Variants in SLC6A13 observed in about 807,000 individuals in gnomAD.
The protein encoded by SLC6A13 is sodium- and chloride-dependent GABA transporter 2.
A neutral mutation model predicts 72.9 loss-of-function variants in SLC6A13; 69 were observed. The ratio of observed to expected loss-of-function variants is 0.95; its 90% confidence interval spans 0.78 to 1.16. SLC6A13 has a LOEUF of 1.16. Ranked by LOEUF, SLC6A13 falls within the 50% of genes most tolerant of loss-of-function variation. SLC6A13 has a pLI of 0.00. For synonymous variants in SLC6A13, 303 were observed against 303.0 expected (o/e 1.00, Z 0.00); for missense variants, 735 against 760.5 (o/e 0.97, Z 0.39).
At chr12:245,194 AC>A (rs1459191960) in intron 2 of SLC6A13, among the ~76,000 whole-genome samples, 1 of 152,264 alleles carries the variant, frequency 6.6e-6, no homozygotes, top group Non-Finnish European at 1.5e-5. Flanking sequence ...GTGCTCACAC[AC>A]TGCCAGAGTA....
chr12:244,468 C>T (rs1041703571), intron 2 of SLC6A13, among the ~76,000 whole-genome samples: 1 of 151,990 alleles, frequency 6.6e-6, no homozygotes, highest in African/African-American at 2.4e-5. Flanking sequence ...GTGGGAGGAT[C>T]GCTTGAGCCC....
At chr12:238,309 C>T (rs1942018314) in intron 4 of SLC6A13, 2 of 1,387,194 alleles carry the variant, frequency 1.4e-6, no homozygotes, top group Non-Finnish European at 1.9e-6. Flanking sequence ...GGCATGCTAA[C>T]ATTTCTATGT....
At position 259,996 on chromosome 12, in the gene SLC6A13, T is replaced by C. The variant is rs776805663; in HGVS notation, c.57A>G (p.Pro19=). Residue 19 remains proline (P), a synonymous_variant, in exon 2 of 15, where the codon CCA becomes CCG. Coordinates refer to ENST00000343164, the MANE Select transcript of SLC6A13 (RefSeq NM_016615.5). The part of the protein sequence containing the change: ...TSNGETKPVY[P]VMEKKEEDGT... ...CATCTTCCTCCTTCTTTTCCATGAC[T>C]GGATACACTGGTTTTGTCTCTCCAT... 6.2e-7 allele frequency: 1 copy of C among 1,614,230 alleles called. No homozygotes were observed. The highest frequency in any genetic ancestry group is 1.1e-5 in the South Asian group (1 of 91,082).
intron 7 of SLC6A13, among the ~76,000 whole-genome samples, chr12:231,302 T>C (rs1483800862): frequency 1.3e-5 from 2 of 152,206 alleles, no homozygotes; most frequent in African/African-American, 4.8e-5. Context: ...GAGCACAGCG[T>C]TGTCTCTGCC....
chr12:226,345 T>A, intron 9 of SLC6A13, 45 bp downstream of exon 9: 1 of 1,611,544 alleles, frequency 6.2e-7, no homozygotes, highest in African/African-American at 1.3e-5. Context: ...CTGCCAGAGG[T>A]TTGAACCAGG....
At position 223,871 on chromosome 12, in the gene SLC6A13, T is replaced by C. The variant is rs1254140094; in HGVS notation, c.1311+121A>G. 4 of 1,108,490 alleles carry C rather than the reference T, an allele frequency of 3.6e-6. No individual in the cohort carries two copies. In the Admixed American group the frequency reaches 7.5e-5, roughly 21 times the overall value. The allele number at this position is 1,108,490 out of a possible 1,614,324, so 68.7% of individuals were successfully genotyped here. On this transcript the variant is annotated intron_variant, in intron 11 of 14. Coordinates refer to ENST00000343164, the MANE Select transcript of SLC6A13 (RefSeq NM_016615.5). ...CTGGGATGGGGAAAAGAGGGAGTCC[T>C]AGTGTCCAGAAGCCCAGAAGACCTG...
chr12:260,018 C>A lies in SLC6A13; in HGVS notation c.35G>T (p.Gly12Val), dbSNP rs1320958936. The change falls in exon 2 of 15, where the codon GGA becomes GTA. Residue 12 changes from glycine to valine, a missense_variant. Physicochemically the swap from Gly to Val is moderately radical, Grantham distance 109. Transcript: ENST00000343164. ...DSRVSGTTSN[G>V]ETKPVYPVME... ...GACTGGATACACTGGTTTTGTCTCT[C>A]CATTACTGGTTGTGCCTGAGACCCT... The A allele has an allele frequency of 6.2e-6, 10 of 1,614,052 alleles. No homozygotes were observed. Among genetic ancestry groups the A allele is most frequent in the Non-Finnish European group, 7.6e-6 (9 of 1,180,030 alleles).
Position 220,905 on chromosome 12 carries a change from TC to T in SLC6A13, c.*42del. ...TTCTGCCACGTTCCCTCCACAGCCA[TC>T]CCCAAGGCCAGGCACACAGGCACCA... On this transcript the variant is annotated 3_prime_UTR_variant, in exon 15 of 15. Transcript: ENST00000343164. The T allele has an allele frequency of 3.7e-6, 6 of 1,606,564 alleles. No individual in the cohort carries two copies. Among genetic ancestry groups the T allele is most frequent in the Non-Finnish European group, 4.2e-6 (5 of 1,178,958 alleles).
intron 4 of SLC6A13, among the ~76,000 whole-genome samples, chr12:241,216 T>C (rs1178021931): frequency 2.0e-5 from 3 of 152,046 alleles, no homozygotes; most frequent in East Asian, 1.9e-4. Flanking sequence ...AAGCAGAGAA[T>C]TGCTTGAACC....
rs903594119 is a variant in SLC6A13 at position 237,824 on chromosome 12, T to A, written c.563+102A>T. On this transcript the variant is annotated intron_variant, in intron 5 of 14. Coordinates refer to ENST00000343164, the MANE Select transcript of SLC6A13 (RefSeq NM_016615.5). ...CAGAAAAAAGCCACTTAGTGGAAAT[T>A]CTTCCCTTGCTGTCCATTGAGAGTG... 3 of 867,040 alleles carry A rather than the reference T, an allele frequency of 3.5e-6. No homozygotes were observed. In the African/African-American group the frequency reaches 5.0e-5, roughly 14 times the overall value. 53.7% of individuals were successfully genotyped at this position (867,040 alleles called of 1,614,324 possible). A position where few individuals can be genotyped will look rare whatever the true frequency, so the allele number is the denominator to read the frequency against.
At chr12:260,178 C>T (rs939551506) in intron 1 of SLC6A13, 121 bp from the exon 2 acceptor site, 1 of 1,061,692 alleles carries the variant, frequency 9.4e-7, no homozygotes, top group African/African-American at 1.6e-5. Flanking sequence ...TTTCTATTCC[C>T]TTCCCTGTAG....
At chr12:225,826 T>G (rs1459187457) in intron 9 of SLC6A13, among the ~76,000 whole-genome samples, 1 of 152,096 alleles carries the variant, frequency 6.6e-6, no homozygotes, top group East Asian at 1.9e-4. Flanking sequence ...AGAGAAACAT[T>G]TTATGGCTTA....
rs755304027 is a variant in SLC6A13, at chr12:234,471, C to CTTTATTTCATTTTATTTTAT, written c.831+599_831+618dup. 7.9e-5 allele frequency among the ~76,000 whole-genome samples: 12 copies of CTTTATTTCATTTTATTTTAT among 151,876 alleles called. No individual in the cohort carries two copies. In the South Asian group the frequency reaches 2.1e-3, roughly 27 times the overall value. On this transcript the variant is annotated intron_variant, in intron 7 of 14. Coordinates refer to ENST00000343164, the MANE Select transcript of SLC6A13 (RefSeq NM_016615.5). ...CCTATGGAGTAGCCATTCTTCATTC[C>CTTTATTTCATTTTATTTTAT]TTTATTTCATTTTATTTTATTTTAT...
At chr12:251,975 C>CA (rs1295672370) in intron 2 of SLC6A13, among the ~76,000 whole-genome samples, 3 of 147,806 alleles carry the variant, frequency 2.0e-5, no homozygotes, top group Non-Finnish European at 4.5e-5. Context: ...GATCCCATCT[C>CA]AAAAAAAAGA....
chr12:245,156 G>C (rs1345627082), intron 2 of SLC6A13, among the ~76,000 whole-genome samples: 1 of 152,176 alleles, frequency 6.6e-6, no homozygotes, highest in Non-Finnish European at 1.5e-5. Context: ...GTGAGGGAAA[G>C]AACCATTCAA....
intron 5 of SLC6A13, among the ~76,000 whole-genome samples, chr12:237,709 C>T (rs530929755): frequency 9.2e-5 from 14 of 152,174 alleles, no homozygotes; most frequent in African/African-American, 2.9e-4. Context: ...GGCGGGGGTG[C>T]GGGCAAGGAA....
chr12:239,544 A>C (rs1210561744), intron 4 of SLC6A13, among the ~76,000 whole-genome samples: 1 of 152,168 alleles, frequency 6.6e-6, no homozygotes. Context: ...TGAAACTCAC[A>C]GTCTCTGTTT....
rs1314717041 is a variant in SLC6A13 at position 254,794 on chromosome 12, C to G, written c.202+5057G>C. 6.6e-6 allele frequency among the ~76,000 whole-genome samples: 1 copy of G among 152,202 alleles called. No homozygotes were observed. Among genetic ancestry groups the G allele is most frequent in the Non-Finnish European group, 1.5e-5 (1 of 68,030 alleles). On this transcript the variant is annotated intron_variant, in intron 2 of 14. Transcript: ENST00000343164. This position sits in a 1 kb window ranked among gnomAD's most constrained non-coding sequence, Gnocchi z 4.4. Reference sequence around the variant, plus strand: ...CCAGTTGCCATTTCCACATGGACATCTGATAGATACCTCAACTCAACTTTC... The same window carrying G: ...CCAGTTGCCATTTCCACATGGACATGTGATAGATACCTCAACTCAACTTTC...
At chr12:223,502 C>T (rs994772206) in intron 11 of SLC6A13, among the ~76,000 whole-genome samples, 2 of 152,096 alleles carry the variant, frequency 1.3e-5, no homozygotes, top group African/African-American at 4.8e-5. Flanking sequence ...TAGGCACTGG[C>T]CACGAAGCCC....
Sources: allele counts gnomAD v4.1 joint callset (sites outside exome capture counted in the v4.1 genomes callset), GRCh38; gene constraint gnomAD v4.1.1; non-coding constraint Gnocchi (gnomAD v3.1); transcripts MANE v1.5; gene names NCBI Gene and HGNC (gene_info 2026-07-23, HGNC 2026-07-21).